The following TAFA1 variants were observed in gnomAD, a reference collection of about 807,000 sequenced individuals.
TAFA1 encodes chemokine-like protein TAFA-1.
Under a neutral mutation model 18.5 loss-of-function variants are expected in TAFA1, and 4 were observed. That is an observed-to-expected ratio of 0.22 (90% CI 0.11 to 0.49). TAFA1 has a LOEUF of 0.49. TAFA1 is among the 20% of genes least tolerant of loss of function. The pLI is 0.98. For missense variants in TAFA1, 147 were observed against 169.0 expected (o/e 0.87, Z 0.72); for synonymous variants, 56 against 55.2 (o/e 1.01, Z -0.06).
intron 2 of TAFA1, among the ~76,000 whole-genome samples, chr3:68,234,201 C>G (rs1234575379): frequency 1.3e-5 from 2 of 152,164 alleles, no homozygotes; most frequent in Non-Finnish European, 2.9e-5. Context: ...AATCAAAGAA[C>G]AGCAGTGGCA....
chr3:68,523,008 G>A (rs2221845), intron 3 of TAFA1, among the ~76,000 whole-genome samples: 74,236 of 151,884 alleles, frequency 0.49, 18,669 homozygotes, highest in Admixed American at 0.56. Context: ...CCCGGGAGGC[G>A]GAGGTTGCAC....
chr3:68,082,700 C>A (rs73834818), intron 2 of TAFA1, among the ~76,000 whole-genome samples: 4,270 of 152,086 alleles, frequency 0.028, 84 homozygotes, highest in East Asian at 0.1. Flanking sequence ...TATTATAATA[C>A]TTTGTTTATG....
At chr3:68,463,714 G>A (rs2071828633) in intron 3 of TAFA1, among the ~76,000 whole-genome samples, 2 of 152,156 alleles carry the variant, frequency 1.3e-5, no homozygotes, top group African/African-American at 4.8e-5. Flanking sequence ...TGGGTGTCAT[G>A]TTGGGTGAAG....
chr3:68,087,175 A>G (rs2064979928), intron 2 of TAFA1, among the ~76,000 whole-genome samples: 1 of 152,206 alleles, frequency 6.6e-6, no homozygotes, highest in Non-Finnish European at 1.5e-5. Flanking sequence ...AATTTATAAA[A>G]TCTATAAAGC....
chr3:68,479,989 T>C (rs1306655701), intron 3 of TAFA1, among the ~76,000 whole-genome samples: 1 of 152,170 alleles, frequency 6.6e-6, no homozygotes, highest in Non-Finnish European at 1.5e-5. Flanking sequence ...TTCTCTAAGA[T>C]TGGATTCTCT....
At chr3:68,084,557 G>A (rs2064947346) in intron 2 of TAFA1, among the ~76,000 whole-genome samples, 5 of 152,118 alleles carry the variant, frequency 3.3e-5, no homozygotes, top group Admixed American at 3.3e-4. Context: ...CAGTAGTTTA[G>A]GAGGCTGAGG....
intron 2 of TAFA1, among the ~76,000 whole-genome samples, chr3:68,114,325 C>G (rs1002468042): frequency 6.6e-6 from 1 of 152,066 alleles, no homozygotes; most frequent in Non-Finnish European, 1.5e-5. Flanking sequence ...CTAAACCTAG[C>G]CTAGAGCAGA....
At chr3:68,133,225 T>C (rs1356035013) in intron 2 of TAFA1, among the ~76,000 whole-genome samples, 2 of 152,190 alleles carry the variant, frequency 1.3e-5, no homozygotes, top group African/African-American at 2.4e-5. Flanking sequence ...CATTGGTCTA[T>C]ATATCTCTTT....
At chr3:68,185,457 G>A (rs1445484488) in intron 2 of TAFA1, among the ~76,000 whole-genome samples, 1 of 152,046 alleles carries the variant, frequency 6.6e-6, no homozygotes, top group Non-Finnish European at 1.5e-5. Flanking sequence ...CATTTTCATG[G>A]TTTGCTCCAC....
chr3:68,018,533 A>G (rs1704614167), intron 2 of TAFA1, among the ~76,000 whole-genome samples: 1 of 152,186 alleles, frequency 6.6e-6, no homozygotes, highest in African/African-American at 2.4e-5. Context: ...ACAGTTACCC[A>G]GTAGTAATAG....
chr3:68,006,003 G>A (rs912806703), intron 1 of TAFA1, among the ~76,000 whole-genome samples: 23 of 152,122 alleles, frequency 1.5e-4, no homozygotes, highest in African/African-American at 4.8e-4. Context: ...GCAAATTATG[G>A]CTTGCTCTAG....
intron 2 of TAFA1, among the ~76,000 whole-genome samples, chr3:68,208,407 T>TTGG (rs1461790427): frequency 1.3e-5 from 2 of 151,960 alleles, no homozygotes; most frequent in African/African-American, 4.8e-5. Context: ...AAGAAACTTC[T>TTGG]GGGATGCATT....
At chr3:68,275,870 C>T (rs1473920070) in intron 2 of TAFA1, among the ~76,000 whole-genome samples, 3 of 152,014 alleles carry the variant, frequency 2.0e-5, no homozygotes, top group Non-Finnish European at 2.9e-5. Context: ...CCCCCAAATG[C>T]GACTACCTAA....
chr3:68,307,626 A>G (rs1177303283), intron 2 of TAFA1, among the ~76,000 whole-genome samples: 2 of 152,146 alleles, frequency 1.3e-5, no homozygotes. Flanking sequence ...CAATATTTAT[A>G]TTTTATCTCT....
chr3:68,439,408 C>CATAT (rs1341782542), intron 3 of TAFA1, among the ~76,000 whole-genome samples: 3 of 28,234 alleles, frequency 1.1e-4, no homozygotes, highest in South Asian at 1.5e-3. Flanking sequence ...AATATATATA[C>CATAT]ATACATATAT....
chr3:68,519,626 T>C (rs1465855694), intron 3 of TAFA1, among the ~76,000 whole-genome samples: 1 of 152,228 alleles, frequency 6.6e-6, no homozygotes. Context: ...CTGACAGTTC[T>C]GGAGTCTAGA....
chr3:68,195,418 T>A (rs2066398568), intron 2 of TAFA1, among the ~76,000 whole-genome samples: 1 of 149,322 alleles, frequency 6.7e-6, no homozygotes. Context: ...GTGCTTATGA[T>A]CATGTCTTAT....
At chr3:68,434,457 C>T (rs2071234747) in intron 3 of TAFA1, among the ~76,000 whole-genome samples, 1 of 152,036 alleles carries the variant, frequency 6.6e-6, no homozygotes, top group Non-Finnish European at 1.5e-5. Context: ...AGATACCATA[C>T]CTAAGATGTC....
At chr3:68,440,661 G>A (rs1258220296) in intron 3 of TAFA1, among the ~76,000 whole-genome samples, 1 of 152,130 alleles carries the variant, frequency 6.6e-6, no homozygotes, top group Non-Finnish European at 1.5e-5. Flanking sequence ...CATTCCTGAA[G>A]GGTCTGGGCC....
Sources: allele counts gnomAD v4.1 joint callset (sites outside exome capture counted in the v4.1 genomes callset), GRCh38; gene constraint gnomAD v4.1.1; transcripts MANE v1.5; gene names NCBI Gene and HGNC (gene_info 2026-07-23, HGNC 2026-07-21).